TMIGD3: variants seen among roughly 807,000 people sequenced by gnomAD.
TMIGD3 encodes transmembrane and immunoglobulin domain containing 3.
TMIGD3 carries 21 observed loss-of-function variants against 28.1 expected under a neutral mutation model. That is an observed-to-expected ratio of 0.75 (90% CI 0.53 to 1.08). TMIGD3 has a LOEUF of 1.08. TMIGD3 is among the 50% of genes least tolerant of loss of function. TMIGD3 has a pLI of 0.00. For missense variants in TMIGD3, 416 were observed against 435.6 expected (o/e 0.96, Z 0.40); for synonymous variants, 151 against 162.1 (o/e 0.93, Z 0.52).
intron 1 of TMIGD3, among the ~76,000 whole-genome samples, chr1:111,527,099 C>T (rs1159529291): frequency 2.1e-5 from 3 of 142,864 alleles, no homozygotes; most frequent in East Asian, 4.4e-4. Context: ...CAACCTCTGC[C>T]TCCTGGGTTT....
chr1:111,526,736 T>C (rs1204874999), intron 1 of TMIGD3, among the ~76,000 whole-genome samples: 1 of 152,200 alleles, frequency 6.6e-6, no homozygotes, highest in Non-Finnish European at 1.5e-5. Context: ...TGTTCATTCA[T>C]TGGGTTTTGA....
intron 1 of TMIGD3, among the ~76,000 whole-genome samples, chr1:111,517,619 G>C (rs1655911750): frequency 6.6e-6 from 1 of 152,188 alleles, no homozygotes; most frequent in African/African-American, 2.4e-5. Context: ...TTGGCAAATT[G>C]CTTTAATTGT....
intron 2 of TMIGD3, among the ~76,000 whole-genome samples, chr1:111,489,226 C>A (rs930053452): frequency 6.6e-6 from 1 of 152,136 alleles, no homozygotes; most frequent in African/African-American, 2.4e-5. Flanking sequence ...TCCAGTGACC[C>A]CAGAATGTGA....
At chr1:111,563,902 T>C in exon 1 of TMIGD3, 1 of 1,613,922 alleles carries the variant, frequency 6.2e-7, no homozygotes, top group Non-Finnish European at 8.5e-7. Context: ...CCCAGGAGCT[T>C]TCCCACCTGG....
At chr1:111,517,003 G>A (rs1557832082) in intron 1 of TMIGD3, among the ~76,000 whole-genome samples, 1 of 152,200 alleles carries the variant, frequency 6.6e-6, no homozygotes, top group Non-Finnish European at 1.5e-5. Context: ...CCCTGGTTCT[G>A]CTGGCTTCTC....
At chr1:111,544,027 A>G (rs1260872785) in intron 1 of TMIGD3, among the ~76,000 whole-genome samples, 1 of 152,218 alleles carries the variant, frequency 6.6e-6, no homozygotes, top group Non-Finnish European at 1.5e-5. Flanking sequence ...TGGAAGTCAT[A>G]GTTTCCAATC....
Position 111,485,723 on chromosome 1 carries a change from C to CAAAAAAAAA in TMIGD3, c.973+16_973+17insTTTTTTTTT. ...TCTAATTCTTGCCCACCCCCTCCCT[C>CAAAAAAAAA]AACAATAGCTACTTACCCCTTCTAT... On this transcript the variant is annotated intron_variant, in intron 5 of 5. Coordinates refer to ENST00000369716, the MANE Select transcript of TMIGD3 (RefSeq NM_020683.7). 2 of 1,324,638 alleles carry CAAAAAAAAA rather than the reference C, an allele frequency of 1.5e-6. No homozygotes were observed. The highest frequency in any genetic ancestry group is 2.1e-6 in the Non-Finnish European group (2 of 933,686). 82.1% of individuals were successfully genotyped at this position (1,324,638 alleles called of 1,614,324 possible). A position where few individuals can be genotyped will look rare whatever the true frequency, so the allele number is the denominator to read the frequency against.
At chr1:111,508,648 C>G (rs1446803645) in intron 1 of TMIGD3, among the ~76,000 whole-genome samples, 1 of 152,220 alleles carries the variant, frequency 6.6e-6, no homozygotes, top group Admixed American at 6.5e-5. Context: ...TGAGAAGCAG[C>G]TTTGCCTTTC....
intron 1 of TMIGD3, among the ~76,000 whole-genome samples, chr1:111,515,829 C>A (rs1655845138): frequency 6.6e-6 from 1 of 152,206 alleles, no homozygotes; most frequent in Non-Finnish European, 1.5e-5. Context: ...GCCGGCCGGA[C>A]GCACTCCTCC....
intron 1 of TMIGD3, among the ~76,000 whole-genome samples, chr1:111,523,920 TA>T (rs1656164789): frequency 1.3e-5 from 2 of 151,288 alleles, no homozygotes; most frequent in African/African-American, 2.4e-5. Context: ...CGATTTTCTC[TA>T]TTTTTTTTGT....
chr1:111,506,050 C>G (rs1406630052), upstream of TMIGD3, among the ~76,000 whole-genome samples: 1 of 152,120 alleles, frequency 6.6e-6, no homozygotes, highest in Non-Finnish European at 1.5e-5. Flanking sequence ...CCAAGTCCAT[C>G]TAGAAAACAA....
chr1:111,499,962 C>A (rs771971217), intron 1 of TMIGD3: 1 of 1,613,906 alleles, frequency 6.2e-7, no homozygotes, highest in South Asian at 1.1e-5. Flanking sequence ...ACTCAGAATT[C>A]TTCTCAATGC....
intron 1 of TMIGD3, among the ~76,000 whole-genome samples, chr1:111,491,594 G>A (rs770561864): frequency 1.3e-5 from 2 of 152,224 alleles, no homozygotes; most frequent in Non-Finnish European, 2.9e-5. Context: ...TAATTCATGT[G>A]AAGTCAGCAT....
chr1:111,503,906 T>G, upstream of TMIGD3: 1 of 988,198 alleles, frequency 1.0e-6, no homozygotes, highest in Non-Finnish European at 1.2e-6. Flanking sequence ...CAGTGCAGGA[T>G]CAGGTGGGAG....
intron 2 of TMIGD3, 106 bp from the exon 3 acceptor site, chr1:111,489,130 G>A (rs1450825524): frequency 2.6e-6 from 3 of 1,163,336 alleles, no homozygotes; most frequent in Non-Finnish European, 3.6e-6. Flanking sequence ...TAAAGAATCG[G>A]AGGCTGATTT....
chr1:111,486,897 T>C (rs1654403747), intron 3 of TMIGD3, among the ~76,000 whole-genome samples: 1 of 152,150 alleles, frequency 6.6e-6, no homozygotes, highest in Admixed American at 6.5e-5. Context: ...ACCCTACCAC[T>C]GGACTCCATG....
chr1:111,485,932 T>C (rs1654345601), intron 4 of TMIGD3, 92 bp from the exon 5 acceptor site: 2 of 955,940 alleles, frequency 2.1e-6, no homozygotes, highest in South Asian at 1.6e-5. Flanking sequence ...TTTGCACCCC[T>C]GCCCACCCCC....
intron 1 of TMIGD3, among the ~76,000 whole-genome samples, chr1:111,521,639 T>C (rs572047111): frequency 6.6e-6 from 1 of 152,206 alleles, no homozygotes; most frequent in Non-Finnish European, 1.5e-5. Flanking sequence ...TTAATGAAGT[T>C]GTTAGAATTC....
chr1:111,484,008 T>C (rs534609024), intron 5 of TMIGD3, among the ~76,000 whole-genome samples: 99 of 152,346 alleles, frequency 6.5e-4, no homozygotes, highest in African/African-American at 2.3e-3. Flanking sequence ...AGCCCAAGAA[T>C]GTCAAAGCTA....
Sources: gnomAD v4.1 joint callset for allele counts (sites outside exome capture counted in the v4.1 genomes callset) on GRCh38, gnomAD v4.1.1 for gene constraint, MANE v1.5 for transcripts, NCBI Gene and HGNC (gene_info 2026-07-23, HGNC 2026-07-21) for gene names.